Variants in TAF3 observed in about 807,000 individuals in gnomAD.
TAF3 encodes transcription initiation factor TFIID subunit 3.
In TAF3, 7 loss-of-function variants were observed where a neutral mutation model predicts 80.6. The observed-to-expected ratio is 0.09, with a 90% CI of 0.05 to 0.16. The LOEUF is 0.16. TAF3 is among the 10% of genes least tolerant of loss of function. The pLI, the probability that TAF3 is intolerant of heterozygous loss-of-function variation, is 1.00. For missense variants in TAF3, 921 were observed against 1,140.2 expected, an observed-to-expected ratio of 0.81 and a Z score of 2.77; for synonymous variants, 444 against 446.1, an observed-to-expected ratio of 1.00 and a Z score of 0.06.
chr10:7,903,422 G>A (rs559515202), intron 2 of TAF3, among the ~76,000 whole-genome samples: 11 of 152,306 alleles, frequency 7.2e-5, no homozygotes, highest in African/African-American at 2.6e-4. Flanking sequence ...AGCCTTGGAA[G>A]CAACTCTTTC....
intron 4 of TAF3, among the ~76,000 whole-genome samples, chr10:7,994,867 C>T (rs1346316387): frequency 6.7e-6 from 1 of 148,286 alleles, no homozygotes; most frequent in Admixed American, 6.7e-5. Context: ...CCCAGCTACT[C>T]GGGAGGCTGA....
At chr10:7,856,566 C>A (rs957574529) in intron 2 of TAF3, among the ~76,000 whole-genome samples, 1 of 152,022 alleles carries the variant, frequency 6.6e-6, no homozygotes, top group Non-Finnish European at 1.5e-5. Flanking sequence ...ATCTGAACAA[C>A]AAAAGTTCAG....
chr10:7,910,848 T>C (rs1301594185), intron 2 of TAF3, among the ~76,000 whole-genome samples: 2 of 152,176 alleles, frequency 1.3e-5, no homozygotes, highest in Admixed American at 1.3e-4. Context: ...TTTTAAAAAA[T>C]AGATCAATAA....
At chr10:7,925,820 A>G (rs1334499457) in intron 2 of TAF3, among the ~76,000 whole-genome samples, 23 of 142,660 alleles carry the variant, frequency 1.6e-4, no homozygotes, top group African/African-American at 5.4e-4. Context: ...AAAGAAAAGA[A>G]AAGAAAAGAA....
At chr10:7,880,707 T>C (rs1356465368) in intron 2 of TAF3, among the ~76,000 whole-genome samples, 1 of 152,180 alleles carries the variant, frequency 6.6e-6, no homozygotes, top group Non-Finnish European at 1.5e-5. Context: ...AGGTGGATTT[T>C]TTTTTAGTAG....
At chr10:7,854,374 T>C (rs1837058142) in intron 2 of TAF3, among the ~76,000 whole-genome samples, 1 of 152,192 alleles carries the variant, frequency 6.6e-6, no homozygotes, top group Non-Finnish European at 1.5e-5. Flanking sequence ...CCAAAACAAT[T>C]TCTAGGTCCA....
intron 2 of TAF3, among the ~76,000 whole-genome samples, chr10:7,946,543 G>C (rs185510289): frequency 1.3e-5 from 2 of 152,260 alleles, no homozygotes; most frequent in Non-Finnish European, 2.9e-5. Flanking sequence ...GGGCGACGTG[G>C]CCAAACCTCG....
At chr10:7,961,914 A>C (rs577641572) in intron 2 of TAF3, among the ~76,000 whole-genome samples, 5 of 151,980 alleles carry the variant, frequency 3.3e-5, no homozygotes, top group South Asian at 4.2e-4. Flanking sequence ...CAGTGGCGCA[A>C]TCATGGCTCA....
chr10:7,907,084 T>C lies in TAF3; in HGVS notation c.410-56836T>C, dbSNP rs566855139. ...CCACCTGGCTTAGCTTTCTGTAGGATTGAATAACTTACAGCAATTTTTGTA... is the reference window on the plus strand; with the variant it reads ...CCACCTGGCTTAGCTTTCTGTAGGACTGAATAACTTACAGCAATTTTTGTA... On this transcript the variant is annotated intron_variant, in intron 2 of 6. Coordinates refer to ENST00000344293, the MANE Select transcript of TAF3 (RefSeq NM_031923.4). 3.9e-3 allele frequency among the ~76,000 whole-genome samples: 598 copies of C among 152,228 alleles called. 1 individual carries two copies. The highest frequency in any genetic ancestry group is 0.013 in the African/African-American group (554 of 41,548).
At chr10:7,901,850 T>C (rs1837561423) in intron 2 of TAF3, among the ~76,000 whole-genome samples, 1 of 152,256 alleles carries the variant, frequency 6.6e-6, no homozygotes, top group Non-Finnish European at 1.5e-5. Flanking sequence ...TTTCATTGCC[T>C]TTCTTTCTGA....
intron 2 of TAF3, among the ~76,000 whole-genome samples, chr10:7,896,444 A>G (rs935595386): frequency 1.3e-5 from 2 of 152,122 alleles, no homozygotes; most frequent in African/African-American, 4.8e-5. Context: ...CTTTGAGACC[A>G]CCACTTGTCA....
chr10:8,015,893 A>G lies in TAF3; in HGVS notation c.*1142A>G. 6.6e-6 allele frequency: 1 copy of G among 151,696 alleles called. No homozygotes were observed. The highest frequency in any genetic ancestry group is 1.5e-5 in the Non-Finnish European group (1 of 67,936). The allele number at this position is 151,696 out of a possible 1,614,324, so 9.4% of individuals were successfully genotyped here. A position where few individuals can be genotyped will look rare whatever the true frequency, so the allele number is the denominator to read the frequency against. ...ACAACAAAAAACCCACATATACTGT[A>G]GCATTTTGTCTTTATATTGTTTTAT... On this transcript the variant is annotated 3_prime_UTR_variant, in exon 7 of 7. Coordinates refer to ENST00000344293, the MANE Select transcript of TAF3 (RefSeq NM_031923.4).
intron 2 of TAF3, among the ~76,000 whole-genome samples, chr10:7,856,259 T>A (rs1837078626): frequency 6.6e-6 from 1 of 152,140 alleles, no homozygotes; most frequent in Non-Finnish European, 1.5e-5. Context: ...GCGGATCACT[T>A]GAGGTCAGGA....
At chr10:7,866,296 C>T (rs1465717417) in intron 2 of TAF3, among the ~76,000 whole-genome samples, 1 of 152,162 alleles carries the variant, frequency 6.6e-6, no homozygotes, top group South Asian at 2.1e-4. Flanking sequence ...CTCGCATTCT[C>T]ATGTGGGCTA....
At chr10:7,958,478 T>C (rs1024775434) in intron 2 of TAF3, among the ~76,000 whole-genome samples, 1 of 149,856 alleles carries the variant, frequency 6.7e-6, no homozygotes, top group Non-Finnish European at 1.5e-5. Context: ...AGAAACATAA[T>C]GTTGGGTAAA....
intron 2 of TAF3, among the ~76,000 whole-genome samples, chr10:7,858,780 C>T (rs1391910783): frequency 6.6e-6 from 1 of 151,836 alleles, no homozygotes; most frequent in African/African-American, 2.4e-5. Flanking sequence ...TTATCATCAT[C>T]AGATTTCACT....
At chr10:8,011,443 T>C (rs550647538) in intron 5 of TAF3, among the ~76,000 whole-genome samples, 1 of 152,160 alleles carries the variant, frequency 6.6e-6, no homozygotes, top group South Asian at 2.1e-4. Flanking sequence ...TTTGTTTGTT[T>C]GTTTTTGGTT....
intron 2 of TAF3, among the ~76,000 whole-genome samples, chr10:7,902,506 T>C (rs7069192): frequency 0.9 from 136,355 of 152,230 alleles, 61,208 homozygotes; most frequent in East Asian, 0.99. Context: ...GTGGTTGTTT[T>C]CTCATGACGA....
intron 2 of TAF3, among the ~76,000 whole-genome samples, chr10:7,949,298 G>A (rs1838059125): frequency 6.6e-6 from 1 of 152,236 alleles, no homozygotes; most frequent in Non-Finnish European, 1.5e-5. Flanking sequence ...TAAAGAGTGG[G>A]CTGCTTAGCA....
Sources: gnomAD v4.1 joint callset for allele counts (sites outside exome capture counted in the v4.1 genomes callset) on GRCh38, gnomAD v4.1.1 for gene constraint, MANE v1.5 for transcripts, NCBI Gene and HGNC (gene_info 2026-07-23, HGNC 2026-07-21) for gene names.